The following CRADD variants were observed in gnomAD, a reference collection of about 807,000 sequenced individuals.
CRADD encodes CARD and death domain containing adaptor protein.
Under a neutral mutation model 15.5 loss-of-function variants are expected in CRADD, and 9 were observed. The observed-to-expected ratio is 0.58, with a 90% CI of 0.35 to 1.01. The LOEUF is 1.01. Among genes scored for constraint, CRADD ranks in the 50% least tolerant of loss-of-function variants. CRADD has a pLI of 0.02. For synonymous variants in CRADD, 118 were observed against 107.6 expected, an observed-to-expected ratio of 1.10 and a Z score of -0.60; for missense variants, 227 against 250.3, an observed-to-expected ratio of 0.91 and a Z score of 0.63.
At chr12:93,825,349 G>A (rs924442735) in intron 2 of CRADD, among the ~76,000 whole-genome samples, 3 of 152,216 alleles carry the variant, frequency 2.0e-5, no homozygotes, top group Admixed American at 6.5e-5. Flanking sequence ...TCACTTACTA[G>A]TCTGAGTGAT....
At chr12:93,755,066 G>A (rs1355409823) in intron 2 of CRADD, among the ~76,000 whole-genome samples, 1 of 152,048 alleles carries the variant, frequency 6.6e-6, no homozygotes, top group Non-Finnish European at 1.5e-5. Context: ...CATCTTACAG[G>A]GTGGCAGGCA....
In CRADD at chr12:93,797,953, C is replaced by G. The variant is rs1957437812; in HGVS notation, c.299-52017C>G. Among the ~76,000 whole-genome samples, 2 of 152,110 alleles carry G rather than the reference C, an allele frequency of 1.3e-5. 1 individual carries two copies. The highest frequency in any genetic ancestry group is 4.2e-4 in the South Asian group (2 of 4,810). ...ATTGAATCAACTGTTTCTGTTTTTC[C>G]ATTTTAGTTGTGTCACTCAGGCTTT... On this transcript the variant is annotated intron_variant, in intron 2 of 2. Coordinates refer to ENST00000332896, the MANE Select transcript of CRADD (RefSeq NM_003805.5).
At chr12:93,841,286 T>A (rs1958044142) in intron 2 of CRADD, among the ~76,000 whole-genome samples, 1 of 152,252 alleles carries the variant, frequency 6.6e-6, no homozygotes, top group African/African-American at 2.4e-5. Flanking sequence ...CTATAATTTT[T>A]CCTCTTCTTG....
Position 93,699,166 on chromosome 12 carries a change from A to G in CRADD, c.298+20094A>G, listed in dbSNP as rs537233091. ...TGGATTAAAGCAAATGCTTAGTTCTAAAATTGTTTTGAGAGTCAAAACTGG... is the reference window on the plus strand; with the variant it reads ...TGGATTAAAGCAAATGCTTAGTTCTGAAATTGTTTTGAGAGTCAAAACTGG... On this transcript the variant is annotated intron_variant, in intron 2 of 2. Transcript: ENST00000332896. Among the ~76,000 whole-genome samples the G allele has an allele frequency of 3.3e-5, 5 of 152,312 alleles. No individual in the cohort carries two copies. The East Asian group carries it at 7.7e-4, about 23-fold the overall frequency.
intron 2 of CRADD, among the ~76,000 whole-genome samples, chr12:93,835,910 C>T (rs1404655000): frequency 6.6e-6 from 1 of 152,192 alleles, no homozygotes; most frequent in Non-Finnish European, 1.5e-5. Context: ...ACCCTTCTGA[C>T]CCCTGTGTAT....
At position 93,753,016 on chromosome 12, in the gene CRADD, C is replaced by T. The variant is rs193112164; in HGVS notation, c.298+73944C>T. Among the ~76,000 whole-genome samples, 19 of 152,230 alleles carry T rather than the reference C, an allele frequency of 1.2e-4. No individual in the cohort carries two copies. The East Asian group carries it at 3.1e-3, about 25-fold the overall frequency. On this transcript the variant is annotated intron_variant, in intron 2 of 2. Transcript: ENST00000332896. Reference sequence around the variant, plus strand: ...TCATGAGAACAGCGCAGGAAAGACCCGCCCCCGTAATTCAACCACCTCCCA... The same window carrying T: ...TCATGAGAACAGCGCAGGAAAGACCTGCCCCCGTAATTCAACCACCTCCCA...
chr12:93,870,576 C>T (rs953648542), intron 2 of CRADD, among the ~76,000 whole-genome samples: 2 of 152,166 alleles, frequency 1.3e-5, no homozygotes, highest in Admixed American at 1.3e-4. Context: ...GCACCGCCAC[C>T]AGTAGGGTGG....
At chr12:93,800,622 C>G (rs1158241600) in intron 2 of CRADD, among the ~76,000 whole-genome samples, 1 of 152,072 alleles carries the variant, frequency 6.6e-6, no homozygotes, top group Non-Finnish European at 1.5e-5. Context: ...GAAGATCTGC[C>G]CCTTGCTTCC....
At chr12:93,748,352 C>A (rs1329283497) in intron 2 of CRADD, among the ~76,000 whole-genome samples, 1 of 152,184 alleles carries the variant, frequency 6.6e-6, no homozygotes, top group Admixed American at 6.5e-5. Flanking sequence ...GTTGCCCAGG[C>A]TGGAGCGCAA....
At chr12:93,778,179 G>T (rs1273538194) in intron 2 of CRADD, among the ~76,000 whole-genome samples, 3 of 152,114 alleles carry the variant, frequency 2.0e-5, no homozygotes, top group Non-Finnish European at 4.4e-5. Flanking sequence ...CTTCATTTTT[G>T]AAAATACCAT....
At chr12:93,755,901 T>A (rs1346274805) in intron 2 of CRADD, among the ~76,000 whole-genome samples, 1 of 152,246 alleles carries the variant, frequency 6.6e-6, no homozygotes, top group East Asian at 1.9e-4. Context: ...TTGGAAAATT[T>A]GCTGCTTTTT....
intron 2 of CRADD, among the ~76,000 whole-genome samples, chr12:93,867,888 A>T (rs914790987): frequency 6.6e-6 from 1 of 152,210 alleles, no homozygotes; most frequent in Non-Finnish European, 1.5e-5. Context: ...AATGTTAGGA[A>T]ATTAGAAAGA....
intron 2 of CRADD, among the ~76,000 whole-genome samples, chr12:93,860,308 C>G (rs1232287500): frequency 6.6e-6 from 1 of 152,186 alleles, no homozygotes; most frequent in Middle Eastern, 3.2e-3. Flanking sequence ...AACACAGCTC[C>G]TTTTACTTTC....
chr12:93,685,586 G>T (rs1383754317), intron 2 of CRADD, among the ~76,000 whole-genome samples: 1 of 151,978 alleles, frequency 6.6e-6, no homozygotes, highest in African/African-American at 2.4e-5. Flanking sequence ...AAAATAAAAA[G>T]AAAAATGTTC....
intron 2 of CRADD, chr12:93,815,031 T>G (rs1957677450): frequency 6.6e-6 from 1 of 152,156 alleles, no homozygotes; most frequent in Admixed American, 6.5e-5. Flanking sequence ...GTCACAATGA[T>G]TGGGGGTGGG....
chr12:93,751,798 C>T (rs953306361), intron 2 of CRADD, among the ~76,000 whole-genome samples: 6 of 152,130 alleles, frequency 3.9e-5, no homozygotes, highest in Admixed American at 1.3e-4. Flanking sequence ...CAGGAGAAGG[C>T]GCTGTAGTGA....
intron 2 of CRADD, among the ~76,000 whole-genome samples, chr12:93,747,539 C>T (rs1956772967): frequency 6.6e-6 from 1 of 151,810 alleles, no homozygotes; most frequent in African/African-American, 2.4e-5. Flanking sequence ...CAGCTCACCA[C>T]AACCTCCACC....
chr12:93,765,377 C>T (rs887731687), intron 2 of CRADD, among the ~76,000 whole-genome samples: 1 of 152,110 alleles, frequency 6.6e-6, no homozygotes, highest in East Asian at 1.9e-4. Flanking sequence ...GTTTACACTG[C>T]TCTTTAGAGT....
intron 2 of CRADD, among the ~76,000 whole-genome samples, chr12:93,832,164 T>A (rs1957912415): frequency 6.6e-6 from 1 of 152,210 alleles, no homozygotes; most frequent in Non-Finnish European, 1.5e-5. Context: ...TCAATCACCA[T>A]ATCACTGCCC....
Sources: gnomAD v4.1 joint callset for allele counts (sites outside exome capture counted in the v4.1 genomes callset) on GRCh38, gnomAD v4.1.1 for gene constraint, MANE v1.5 for transcripts, NCBI Gene and HGNC (gene_info 2026-07-23, HGNC 2026-07-21) for gene names.